The following RAP1GAP variants were observed in gnomAD, a reference collection of about 807,000 sequenced individuals.
RAP1GAP encodes RAP1 GTPase activating protein.
RAP1GAP carries 35 observed loss-of-function variants against 87.2 expected under a neutral mutation model. The ratio of observed to expected loss-of-function variants is 0.40; its 90% CI spans 0.31 to 0.53. RAP1GAP has a LOEUF of 0.53. Among genes scored for constraint, RAP1GAP ranks in the 20% least tolerant of loss-of-function variants. The pLI is 0.48. For synonymous variants in RAP1GAP, 375 were observed against 363.9 expected (o/e 1.03, Z -0.35); for missense variants, 734 against 898.9 (o/e 0.82, Z 2.35).
chr1:21,607,939 G>T (rs931396936), intron 17 of RAP1GAP, among the ~76,000 whole-genome samples: 1 of 146,862 alleles, frequency 6.8e-6, no homozygotes, highest in Non-Finnish European at 1.5e-5. Context: ...ACCCGCAGGC[G>T]AGCGGCCTCT....
chr1:21,618,894 C>T, intron 5 of RAP1GAP, 131 bp downstream of exon 5: 1 of 1,073,314 alleles, frequency 9.3e-7, no homozygotes, highest in East Asian at 2.6e-5. Context: ...CCCCCCTACC[C>T]CCGCACCTGG....
At chr1:21,666,842 G>A (rs1415461166) in intron 1 of RAP1GAP, among the ~76,000 whole-genome samples, 1 of 152,194 alleles carries the variant, frequency 6.6e-6, no homozygotes, top group African/African-American at 2.4e-5. Context: ...CCCTGGAGGA[G>A]ATAATGGAGG....
chr1:21,650,078 G>C (rs539814802), intron 1 of RAP1GAP, among the ~76,000 whole-genome samples: 17 of 151,978 alleles, frequency 1.1e-4, no homozygotes, highest in Non-Finnish European at 2.4e-4. Context: ...AGGGGTGGGG[G>C]GACAGGTGGA....
intron 1 of RAP1GAP, chr1:21,665,438 G>A: frequency 3.3e-6 from 1 of 298,558 alleles, no homozygotes; most frequent in Middle Eastern, 4.5e-4. Flanking sequence ...GCCTGTCACA[G>A]TCCCTGGGAT....
intron 17 of RAP1GAP, among the ~76,000 whole-genome samples, chr1:21,607,825 C>T (rs2075701325): frequency 6.6e-6 from 1 of 152,104 alleles, no homozygotes; most frequent in Non-Finnish European, 1.5e-5. Flanking sequence ...ACTTCGAGCC[C>T]CGCCCTCATC....
intron 1 of RAP1GAP, among the ~76,000 whole-genome samples, chr1:21,662,754 C>A (rs1292311350): frequency 6.6e-6 from 1 of 152,230 alleles, no homozygotes; most frequent in East Asian, 1.9e-4. Flanking sequence ...ACAGAAATGG[C>A]TAAAAGTAGA....
intron 2 of RAP1GAP, among the ~76,000 whole-genome samples, chr1:21,643,298 G>A (rs1197364649): frequency 6.6e-6 from 1 of 152,108 alleles, no homozygotes; most frequent in South Asian, 2.1e-4. Context: ...GGTGGCTCAC[G>A]CCTGTAATCC....
chr1:21,605,165 G>A (rs909485977), intron 18 of RAP1GAP, among the ~76,000 whole-genome samples: 16 of 152,078 alleles, frequency 1.1e-4, no homozygotes, highest in South Asian at 4.1e-4. Context: ...GCCATAGGCC[G>A]TATTCATCCA....
At chr1:21,611,999 G>A in intron 11 of RAP1GAP, 27 bp downstream of exon 11, 2 of 1,519,862 alleles carry the variant, frequency 1.3e-6, no homozygotes, top group Admixed American at 1.9e-5. Flanking sequence ...CAGGTGGGGA[G>A]GGGCGGCAGG....
In RAP1GAP at chr1:21,622,897, T is replaced by C. The variant is rs904148456; in HGVS notation, c.-18-2847A>G. ...CCTACTTAATGCTGGGCCCTTCGCA[T>C]GTGTCGTAATCTCGTCACAGCCCAG... On this transcript the variant is annotated intron_variant, in intron 3 of 24. Transcript: ENST00000374765. This position sits in a 1 kb window ranked among gnomAD's most constrained non-coding sequence, Gnocchi z 5.7. The C allele has an allele frequency of 2.6e-5, 4 of 152,246 alleles. No individual in the cohort carries two copies. Among genetic ancestry groups the C allele is most frequent in the African/African-American group, 9.6e-5 (4 of 41,468 alleles). 9.4% of individuals were successfully genotyped at this position (152,246 alleles called of 1,614,324 possible).
chr1:21,645,539 C>A (rs1168612220), intron 2 of RAP1GAP, among the ~76,000 whole-genome samples: 1 of 152,150 alleles, frequency 6.6e-6, no homozygotes, highest in African/African-American at 2.4e-5. Flanking sequence ...GCTAGGATAG[C>A]CAGGCTAATG....
intron 2 of RAP1GAP, among the ~76,000 whole-genome samples, chr1:21,641,939 G>C (rs907420332): frequency 6.6e-6 from 1 of 152,204 alleles, no homozygotes; most frequent in Non-Finnish European, 1.5e-5. Flanking sequence ...CTGCAGCATG[G>C]GGTCAGAAAC....
chr1:21,637,145 C>CTTTTTTT, intron 2 of RAP1GAP, among the ~76,000 whole-genome samples: 1 of 128,508 alleles, frequency 7.8e-6, no homozygotes, highest in Non-Finnish European at 1.7e-5. Context: ...TCTTTTTTTT[C>CTTTTTTT]TTTTTTTTTT....
chr1:21,607,990 A>T (rs2075843150), intron 17 of RAP1GAP, among the ~76,000 whole-genome samples: 1 of 149,444 alleles, frequency 6.7e-6, no homozygotes, highest in African/African-American at 2.5e-5. Flanking sequence ...CCAGTCCGGG[A>T]CTTCGCCCCA....
At chr1:21,631,752 A>T (rs1035126120) in intron 2 of RAP1GAP, among the ~76,000 whole-genome samples, 4 of 152,064 alleles carry the variant, frequency 2.6e-5, no homozygotes, top group African/African-American at 9.7e-5. Flanking sequence ...TTTTTTCCAG[A>T]TGAGAAAACT....
At chr1:21,643,632 C>T (rs1290414475) in intron 2 of RAP1GAP, among the ~76,000 whole-genome samples, 11 of 151,904 alleles carry the variant, frequency 7.2e-5, no homozygotes, top group Admixed American at 7.2e-4. Flanking sequence ...CCTGTGGCCA[C>T]GACAGTGCCT....
rs1490612565 is a variant in RAP1GAP, at chr1:21,615,146, G to C, written c.292-1057C>G. On this transcript the variant is annotated intron_variant, in intron 7 of 24. Transcript: ENST00000374765. The surrounding 1 kb of genome is among the most constrained non-coding windows in gnomAD (Gnocchi z 4.5). ...CCCTGGCAGGGAAGTCCAGAGAGTG[G>C]GGAGGTTCCTTGGACACCCCCAAGC... Among the ~76,000 whole-genome samples the C allele has an allele frequency of 6.6e-6, 1 of 152,152 alleles. No individual in the cohort carries two copies. The highest frequency in any genetic ancestry group is 6.5e-5 in the Admixed American group (1 of 15,272).
intron 18 of RAP1GAP, among the ~76,000 whole-genome samples, chr1:21,604,478 G>C (rs1294429481): frequency 2.0e-5 from 3 of 152,160 alleles, no homozygotes; most frequent in Non-Finnish European, 2.9e-5. Context: ...AACACAGAGA[G>C]AGGGAGAGTT....
Position 21,613,015 on chromosome 1 carries a change from G to A in RAP1GAP, c.528+161C>T, listed in dbSNP as rs1034235807. The A allele has an allele frequency of 1.4e-5, 11 of 772,250 alleles. No homozygotes were observed. The highest frequency in any genetic ancestry group is 8.6e-5 in the African/African-American group (5 of 58,316). 47.8% of individuals were successfully genotyped at this position (772,250 alleles called of 1,614,324 possible). A position where few individuals can be genotyped will look rare whatever the true frequency, so the allele number is the denominator to read the frequency against. On this transcript the variant is annotated intron_variant, in intron 10 of 24. Coordinates refer to ENST00000374765, the MANE Select transcript of RAP1GAP (RefSeq NM_002885.4). This position sits in a 1 kb window ranked among gnomAD's most constrained non-coding sequence, Gnocchi z 4.7. ...CCTGGGGGAAGGCACAGGCCCTTTC[G>A]GTGGCTCCTCTTCTGCAAATTGTGG...
Sources: gnomAD v4.1 joint callset for allele counts (sites outside exome capture counted in the v4.1 genomes callset) on GRCh38, gnomAD v4.1.1 for gene constraint, Gnocchi (gnomAD v3.1) non-coding constraint, MANE v1.5 for transcripts, NCBI Gene and HGNC (gene_info 2026-07-23, HGNC 2026-07-21) for gene names.